GALNT8: variants seen among roughly 807,000 people sequenced by gnomAD.
GALNT8 encodes the protein polypeptide N-acetylgalactosaminyltransferase 8, also known as probable polypeptide N-acetylgalactosaminyltransferase 8.
GALNT8 carries 66 observed loss-of-function variants against 62.7 expected under a neutral mutation model. The observed-to-expected ratio is 1.05, with a 90% confidence interval of 0.86 to 1.29. The LOEUF is 1.29. GALNT8 is among the 50% of genes most tolerant of loss of function. The pLI is 0.00. For synonymous variants in GALNT8, 288 were observed against 294.3 expected (o/e 0.98, Z 0.22); for missense variants, 771 against 791.8 (o/e 0.97, Z 0.32).
At chr12:4,730,453 A>G (rs1054956532) in intron 2 of GALNT8, among the ~76,000 whole-genome samples, 1 of 152,234 alleles carries the variant, frequency 6.6e-6, no homozygotes, top group Non-Finnish European at 1.5e-5. Context: ...TCCCAAAACC[A>G]TTTATTGAAG....
chr12:4,735,594 T>C (rs1039555116), intron 2 of GALNT8, among the ~76,000 whole-genome samples: 20 of 152,220 alleles, frequency 1.3e-4, no homozygotes, highest in Non-Finnish European at 2.4e-4. Context: ...TCTTCTACTT[T>C]GCCTCTACTC....
At position 4,728,458 on chromosome 12, in the gene GALNT8, T is replaced by C. The variant is rs554317740; in HGVS notation, c.509+1629T>C. On this transcript the variant is annotated intron_variant, in intron 2 of 10. Coordinates refer to ENST00000252318, the MANE Select transcript of GALNT8 (RefSeq NM_017417.2). The stretch of plus-strand genomic sequence containing the variant: ...CTTGCTTGGTACAAGGTCGCAAAGG[T>C]TTACACCCATGTTTTCTTCTAAGAA... Among the ~76,000 whole-genome samples, 11 of 152,248 alleles carry C rather than the reference T, an allele frequency of 7.2e-5. No homozygotes were observed. The South Asian group carries it at 2.3e-3, about 32-fold the overall frequency.
At position 4,726,938 on chromosome 12, in the gene GALNT8, G is replaced by A; in HGVS notation, c.509+109G>A. 1 of 904,240 alleles carries A rather than the reference G, an allele frequency of 1.1e-6. No individual in the cohort carries two copies. Among genetic ancestry groups the A allele is most frequent in the East Asian group, 2.4e-5 (1 of 41,208 alleles). The allele number at this position is 904,240 out of a possible 1,614,324, so 56.0% of individuals were successfully genotyped here. On this transcript the variant is annotated intron_variant, in intron 2 of 10. Transcript: ENST00000252318. This position sits in a 1 kb window ranked among gnomAD's most constrained non-coding sequence, Gnocchi z 4.1. ...GGGAGTGGGGGATTGTTGGGGAAGG[G>A]GTTCAGGCTGAGCAAAGTTGTTGTT...
chr12:4,752,701 T>G (rs1565387178), intron 6 of GALNT8, among the ~76,000 whole-genome samples: 1 of 152,162 alleles, frequency 6.6e-6, no homozygotes, highest in African/African-American at 2.4e-5. Context: ...ATAAGAGTAG[T>G]TTATACACCA....
intron 2 of GALNT8, among the ~76,000 whole-genome samples, chr12:4,731,992 A>G (rs1292799908): frequency 6.6e-6 from 1 of 152,206 alleles, no homozygotes; most frequent in Non-Finnish European, 1.5e-5. Flanking sequence ...AATGAAATCA[A>G]TAGGGGAGAC....
Position 4,765,473 on chromosome 12 carries a change from C to T in GALNT8, c.1688C>T (p.Ala563Val), listed in dbSNP as rs756775420. The T allele has an allele frequency of 2.5e-5, 41 of 1,611,256 alleles. No individual in the cohort carries two copies. Among genetic ancestry groups the T allele is most frequent in the Non-Finnish European group, 3.2e-5 (38 of 1,179,604 alleles). The change falls in exon 10 of 11, where the codon GCG becomes GTG. Residue 563 changes from alanine to valine, a missense_variant. Transcript: ENST00000252318. ...CGCTGCCTGACAGACCCTGGCAAGG[C>T]GGAGAAGCCCACCTTAGAACCATGC... ...SDRCLTDPGK[A>V]EKPTLEPCSK... is the part of the protein sequence containing the mutation.
chr12:4,732,378 A>G (rs901796719), intron 2 of GALNT8, among the ~76,000 whole-genome samples: 1 of 151,898 alleles, frequency 6.6e-6, no homozygotes, highest in African/African-American at 2.4e-5. Flanking sequence ...TCTAGATGTC[A>G]TCCAACCAAC....
chr12:4,752,434 G>A (rs1429147062), intron 6 of GALNT8, among the ~76,000 whole-genome samples: 1 of 145,032 alleles, frequency 6.9e-6, no homozygotes, highest in Non-Finnish European at 1.5e-5. Context: ...ATGTTTTTTG[G>A]TTTGGGGTTT....
At chr12:4,751,488 A>G (rs1437499943) in intron 6 of GALNT8, among the ~76,000 whole-genome samples, 1 of 151,918 alleles carries the variant, frequency 6.6e-6, no homozygotes. Flanking sequence ...AAATTTTCCA[A>G]TTTCCTTCTT....
intron 3 of GALNT8, among the ~76,000 whole-genome samples, chr12:4,744,277 A>G (rs556875486): frequency 1.6e-4 from 25 of 152,328 alleles, no homozygotes; most frequent in African/African-American, 5.8e-4. Flanking sequence ...AAGCAGTATT[A>G]TCATTTTAAG....
At position 4,760,998 on chromosome 12, in the gene GALNT8, C is replaced by T. The variant is rs750919954; in HGVS notation, c.1214C>T (p.Ser405Phe). The change falls in exon 7 of 11, where the codon TCC (serine) becomes TTC (phenylalanine). Residue 405 changes from serine to phenylalanine, a missense_variant. Physicochemically the swap from Ser to Phe is radical, Grantham distance 155 (BLOSUM62 -2). Coordinates refer to ENST00000252318, the MANE Select transcript of GALNT8 (RefSeq NM_017417.2). Reference sequence around the variant, plus strand: ...GGGAAGGTCGAGATTTTGCCCTGTTCCCGGATTGCCCACCTAGAGAGACAC... The same window carrying T: ...GGGAAGGTCGAGATTTTGCCCTGTTTCCGGATTGCCCACCTAGAGAGACAC... Reference protein sequence around the residue: ...CGGKVEILPCSRIAHLERHHK... With the variant: ...CGGKVEILPCFRIAHLERHHK... The T allele has an allele frequency of 8.1e-6, 13 of 1,613,918 alleles. No homozygotes were observed. The highest frequency in any genetic ancestry group is 1.7e-5 in the Admixed American group (1 of 59,994).
chr12:4,761,981 G>A (rs1297977566), intron 7 of GALNT8, among the ~76,000 whole-genome samples: 1 of 152,156 alleles, frequency 6.6e-6, no homozygotes, highest in African/African-American at 2.4e-5. Context: ...GACTCCTAGG[G>A]TCAGGAGCCA....
chr12:4,739,305 T>C lies in GALNT8; in HGVS notation c.652T>C (p.Leu218=), dbSNP rs752375758. ...TPSRLLKEII[L]VDDFSSNGEL... ...CTCTCGATTGTTGAAGGAAATCATCTTGGTGGATGATTTCAGCTCAAATGG... is the reference window on the plus strand; with the variant it reads ...CTCTCGATTGTTGAAGGAAATCATCCTGGTGGATGATTTCAGCTCAAATGG... Residue 218 remains leucine, a synonymous_variant, in exon 3 of 11, where the codon TTG becomes CTG. Coordinates refer to ENST00000252318, the MANE Select transcript of GALNT8 (RefSeq NM_017417.2). 9.3e-6 allele frequency: 15 copies of C among 1,612,976 alleles called. No individual in the cohort carries two copies. The highest frequency in any genetic ancestry group is 1.3e-5 in the Non-Finnish European group (15 of 1,179,244).
At chr12:4,752,845 T>A (rs1946328267) in intron 6 of GALNT8, among the ~76,000 whole-genome samples, 2 of 152,214 alleles carry the variant, frequency 1.3e-5, no homozygotes, top group South Asian at 4.1e-4. Flanking sequence ...TTAGCATTTC[T>A]TGTAGGATTG....
Position 4,772,566 on chromosome 12 carries a change from T to G in GALNT8, c.1883T>G (p.Val628Gly). Residue 628 changes from valine (V) to glycine (G), a missense_variant, in exon 11 of 11, where the codon GTC becomes GGC. Val to Gly is a moderately radical substitution (Grantham distance 109, BLOSUM62 -3). Coordinates refer to ENST00000252318, the MANE Select transcript of GALNT8 (RefSeq NM_017417.2). Reference protein sequence around the residue: ...STQVWEIQHTVRDWGQTNSQ With the variant: ...STQVWEIQHTGRDWGQTNSQ ...CAAGTGTGGGAAATCCAGCACACTG[T>G]CAGAGACTGGGGTCAGACCAACAGC... The G allele has an allele frequency of 7.4e-6, 12 of 1,613,884 alleles. No homozygotes were observed. The highest frequency in any genetic ancestry group is 9.3e-6 in the Non-Finnish European group (11 of 1,179,874).
intron 3 of GALNT8, among the ~76,000 whole-genome samples, chr12:4,742,810 T>A (rs906668336): frequency 2.6e-5 from 4 of 152,056 alleles, no homozygotes; most frequent in Admixed American, 1.3e-4. Flanking sequence ...CTGACCAGCC[T>A]GGGATAGCAG....
At chr12:4,722,278 C>T (rs372609651) in intron 1 of GALNT8, among the ~76,000 whole-genome samples, 1 of 152,144 alleles carries the variant, frequency 6.6e-6, no homozygotes, top group Non-Finnish European at 1.5e-5. Flanking sequence ...GCGGTGTGCT[C>T]CTTTCATGAA....
chr12:4,752,293 A>C (rs1416657222), intron 6 of GALNT8, among the ~76,000 whole-genome samples: 1 of 151,582 alleles, frequency 6.6e-6, no homozygotes, highest in East Asian at 1.9e-4. Context: ...CTATTTTGTT[A>C]TCTGTTTTCT....
At chr12:4,747,802 C>T (rs1396501841) in intron 6 of GALNT8, among the ~76,000 whole-genome samples, 1 of 151,962 alleles carries the variant, frequency 6.6e-6, no homozygotes, top group Non-Finnish European at 1.5e-5. Context: ...ACAAACTGTT[C>T]TCCATAGTGG....
Sources: gnomAD v4.1 joint callset for allele counts (sites outside exome capture counted in the v4.1 genomes callset) on GRCh38, gnomAD v4.1.1 for gene constraint, Gnocchi (gnomAD v3.1) non-coding constraint, MANE v1.5 for transcripts, NCBI Gene and HGNC (gene_info 2026-07-23, HGNC 2026-07-21) for gene names.